The following NTRK3 variants were observed in gnomAD, a reference collection of about 807,000 sequenced individuals.
The protein encoded by NTRK3 is NT-3 growth factor receptor.
NTRK3 carries 24 observed loss-of-function variants against 91.7 expected under a neutral mutation model. That is an observed-to-expected ratio of 0.26 (90% CI 0.19 to 0.37). The LOEUF is 0.37. NTRK3 is among the 10% of genes least tolerant of loss of function. The pLI is 1.00. For missense variants in NTRK3, 880 were observed against 1,068.9 expected, an observed-to-expected ratio of 0.82 and a Z score of 2.46; for synonymous variants, 483 against 404.0, an observed-to-expected ratio of 1.20 and a Z score of -2.34.
rs138637300 is a variant in NTRK3 at position 88,166,482 on chromosome 15, C to T, written c.395+16936G>A. Among the ~76,000 whole-genome samples the T allele has an allele frequency of 1.7e-3, 264 of 152,228 alleles. 4 individuals carry two copies. The highest frequency in any genetic ancestry group is 3.4e-3 in the Middle Eastern group (1 of 294). On this transcript the variant is annotated intron_variant, in intron 5 of 18. Transcript: ENST00000394480. ...GGTGAGCCGGGGACTAGGGCCTGGG[C>T]GCTTCTCTCTGGGGAGCTGTTCATA...
intron 17 of NTRK3, chr15:87,925,600 T>C (rs1300619778): frequency 4.7e-6 from 1 of 211,156 alleles, no homozygotes; most frequent in Non-Finnish European, 9.6e-6. Context: ...ATAGAGAGAA[T>C]CCTTCACAGT....
intron 17 of NTRK3, among the ~76,000 whole-genome samples, chr15:87,896,875 G>A (rs1399459861): frequency 6.6e-6 from 1 of 152,122 alleles, no homozygotes; most frequent in African/African-American, 2.4e-5. Context: ...AGTAAAGCAG[G>A]ACAGACTATT....
chr15:88,144,414 C>G (rs1349454510), intron 6 of NTRK3, among the ~76,000 whole-genome samples: 1 of 152,132 alleles, frequency 6.6e-6, no homozygotes, highest in Non-Finnish European at 1.5e-5. Flanking sequence ...GAGGAAGGGT[C>G]TTGGTGCACT....
intron 13 of NTRK3, among the ~76,000 whole-genome samples, chr15:88,058,928 G>A (rs1237101168): frequency 2.6e-5 from 4 of 152,084 alleles, no homozygotes. Flanking sequence ...AGAAAAATGT[G>A]GTACTCTAGC....
At chr15:87,976,397 C>A (rs370792992) in intron 14 of NTRK3, among the ~76,000 whole-genome samples, 2 of 152,228 alleles carry the variant, frequency 1.3e-5, no homozygotes, top group African/African-American at 4.8e-5. Context: ...CAGACTGGAA[C>A]GTGAGCTCTT....
chr15:87,967,864 A>C (rs1193656562), intron 14 of NTRK3, among the ~76,000 whole-genome samples: 1 of 152,204 alleles, frequency 6.6e-6, no homozygotes, highest in Non-Finnish European at 1.5e-5. Flanking sequence ...GTCTGAGTAA[A>C]GAAATGGAAT....
intron 13 of NTRK3, among the ~76,000 whole-genome samples, chr15:88,109,291 C>T (rs927478384): frequency 1.3e-5 from 2 of 152,164 alleles, no homozygotes; most frequent in African/African-American, 2.4e-5. Context: ...GTTCAGTCAC[C>T]TCACCAAAGG....
chr15:88,218,778 G>A (rs985174024), intron 3 of NTRK3, among the ~76,000 whole-genome samples: 13 of 152,200 alleles, frequency 8.5e-5, no homozygotes, highest in African/African-American at 2.4e-4. Context: ...CATCTGCTCC[G>A]GTCACAGGAG....
intron 12 of NTRK3, 132 bp downstream of exon 12, chr15:88,127,030 C>A: frequency 5.0e-6 from 4 of 807,184 alleles, no homozygotes; most frequent in Middle Eastern, 2.2e-4. Context: ...ACTGCCTGAA[C>A]GTAGTTCAAT....
intron 5 of NTRK3, among the ~76,000 whole-genome samples, chr15:88,158,755 T>A (rs191755496): frequency 1.1e-4 from 17 of 151,746 alleles, no homozygotes; most frequent in African/African-American, 2.7e-4. Flanking sequence ...TGCTGGGCCT[T>A]TTCACCCGGG....
intron 13 of NTRK3, among the ~76,000 whole-genome samples, chr15:88,107,457 T>C (rs903347501): frequency 6.6e-6 from 1 of 152,126 alleles, no homozygotes; most frequent in Non-Finnish European, 1.5e-5. Context: ...AGAAAATCTA[T>C]GAAGTGCAAA....
intron 3 of NTRK3, among the ~76,000 whole-genome samples, chr15:88,254,545 C>T (rs1364078483): frequency 6.6e-6 from 1 of 152,138 alleles, no homozygotes; most frequent in Non-Finnish European, 1.5e-5. Flanking sequence ...AGAGCGCAAG[C>T]AGAAGCTCCA....
intron 14 of NTRK3, among the ~76,000 whole-genome samples, chr15:87,944,138 A>C (rs28395331): frequency 0.04 from 6,122 of 152,294 alleles, 418 homozygotes; most frequent in African/African-American, 0.14. Flanking sequence ...AAATAAGCAC[A>C]GATTTTATTC....
chr15:87,999,496 T>C (rs1213886978), intron 14 of NTRK3, among the ~76,000 whole-genome samples: 1 of 152,232 alleles, frequency 6.6e-6, no homozygotes, highest in African/African-American at 2.4e-5. Flanking sequence ...CCTCAAACAT[T>C]TTTTGCAATG....
At chr15:87,864,547 A>C (rs999252630) in exon 19 of NTRK3, 2 of 229,196 alleles carry the variant, frequency 8.7e-6, no homozygotes. Context: ...AGCTTGTTCA[A>C]GGAAGGCTTT....
At chr15:88,215,494 C>T (rs868388185) in intron 3 of NTRK3, among the ~76,000 whole-genome samples, 1 of 152,176 alleles carries the variant, frequency 6.6e-6, no homozygotes, top group Non-Finnish European at 1.5e-5. Flanking sequence ...CTGTGTCCTG[C>T]GATGCCAGGA....
intron 14 of NTRK3, among the ~76,000 whole-genome samples, chr15:87,966,554 C>T (rs1219187459): frequency 1.3e-5 from 2 of 152,212 alleles, no homozygotes. Context: ...CCCACCCTGA[C>T]ACTCTCGATG....
chr15:88,032,731 C>T, intron 14 of NTRK3, 126 bp downstream of exon 14: 1 of 1,057,172 alleles, frequency 9.5e-7, no homozygotes, highest in South Asian at 1.4e-5. Context: ...CAGGGAGGGT[C>T]TCTTAGAAAG....
At chr15:88,024,894 A>G (rs1197841981) in intron 14 of NTRK3, among the ~76,000 whole-genome samples, 2 of 152,246 alleles carry the variant, frequency 1.3e-5, no homozygotes, top group Non-Finnish European at 2.9e-5. Context: ...CTTTTAGTAA[A>G]CATGGCAATT....
Sources: allele counts gnomAD v4.1 joint callset (sites outside exome capture counted in the v4.1 genomes callset), GRCh38; gene constraint gnomAD v4.1.1; transcripts MANE v1.5; gene names NCBI Gene and HGNC (gene_info 2026-07-23, HGNC 2026-07-21).